The following NLGN1 variants were observed in gnomAD, a reference collection of about 807,000 sequenced individuals.
NLGN1 encodes the protein neuroligin-1.
Under a neutral mutation model 65.5 loss-of-function variants are expected in NLGN1, and 12 were observed. The ratio of observed to expected loss-of-function variants is 0.18; its 90% confidence interval spans 0.12 to 0.30. The LOEUF (loss-of-function observed/expected upper bound fraction) is 0.30. NLGN1 is among the 10% of genes least tolerant of loss of function. The pLI, the probability that NLGN1 is intolerant of heterozygous loss-of-function variation, is 1.00. For synonymous variants in NLGN1, 350 were observed against 359.5 expected (o/e 0.97, Z 0.30); for missense variants, 750 against 1,007.1 (o/e 0.74, Z 3.46).
intron 2 of NLGN1, among the ~76,000 whole-genome samples, chr3:173,501,031 C>T (rs1055864240): frequency 6.6e-5 from 10 of 152,082 alleles, no homozygotes; most frequent in African/African-American, 2.2e-4. Context: ...TTAGTATCTT[C>T]GAAATTGACA....
At chr3:174,106,741 G>C (rs979065238) in intron 4 of NLGN1, among the ~76,000 whole-genome samples, 19 of 152,064 alleles carry the variant, frequency 1.2e-4, no homozygotes, top group African/African-American at 4.3e-4. Flanking sequence ...CTGCAAGCTG[G>C]AGAACTCAGA....
At chr3:174,026,758 A>G (rs1175910565) in intron 4 of NLGN1, among the ~76,000 whole-genome samples, 1 of 152,192 alleles carries the variant, frequency 6.6e-6, no homozygotes, top group African/African-American at 2.4e-5. Context: ...AATTCTCTGC[A>G]CTTGAGGTCC....
At chr3:173,738,543 A>G (rs926295083) in intron 3 of NLGN1, among the ~76,000 whole-genome samples, 1 of 152,112 alleles carries the variant, frequency 6.6e-6, no homozygotes, top group Non-Finnish European at 1.5e-5. Context: ...GACAAAAATC[A>G]TTTACTATAA....
intron 3 of NLGN1, among the ~76,000 whole-genome samples, chr3:173,748,001 TGTTGACCAG>T (rs1195758184): frequency 6.6e-6 from 1 of 151,520 alleles, no homozygotes; most frequent in Non-Finnish European, 1.5e-5. Flanking sequence ...GGTTTTACCA[TGTTGACCAG>T]GCTGGTCTCA....
rs1441738228 is a variant in NLGN1, at chr3:173,685,799, C to A, written c.493+80708C>A. The A allele has an allele frequency of 6.1e-6, 6 of 985,206 alleles. No homozygotes were observed. The African/African-American group carries it at 7.0e-5, about 11-fold the overall frequency. The allele number at this position is 985,206 out of a possible 1,614,324, so 61.0% of individuals were successfully genotyped here. A position where few individuals can be genotyped will look rare whatever the true frequency, so the allele number is the denominator to read the frequency against. On this transcript the variant is annotated intron_variant, in intron 3 of 6. Transcript: ENST00000457714. ...ATGTGCTGTGTCAAAAAGGTAAGCA[C>A]AATGAGAGGGTTGAATGTGAATATG...
Position 173,688,459 on chromosome 3 carries a change from T to G in NLGN1, c.493+83368T>G, listed in dbSNP as rs145320141. On this transcript the variant is annotated intron_variant, in intron 3 of 6. Coordinates refer to ENST00000457714, the Ensembl canonical transcript of NLGN1. Reference sequence around the variant, plus strand: ...ACTTTGTATTCCTCTGAGTGCTGTGTGCTTGGGCAGTGGAGAGCGACTAAA... The same window carrying G: ...ACTTTGTATTCCTCTGAGTGCTGTGGGCTTGGGCAGTGGAGAGCGACTAAA... Among the ~76,000 whole-genome samples the G allele has an allele frequency of 6.4e-4, 98 of 152,334 alleles. 1 individual carries two copies. Among genetic ancestry groups the G allele is most frequent in the Admixed American group, 6.2e-3 (95 of 15,296 alleles).
intron 4 of NLGN1, among the ~76,000 whole-genome samples, chr3:174,250,241 C>G (rs2098550): frequency 0.2 from 30,580 of 152,028 alleles, 3,390 homozygotes; most frequent in East Asian, 0.5. Context: ...AGCCAAGTGC[C>G]TAGCACAGAG....
chr3:173,546,229 A>G (rs750607542), intron 2 of NLGN1, among the ~76,000 whole-genome samples: 1 of 152,208 alleles, frequency 6.6e-6, no homozygotes, highest in Non-Finnish European at 1.5e-5. Context: ...TTATGCAGAC[A>G]TTTAGAAATA....
At chr3:173,523,777 T>C (rs1022441899) in intron 2 of NLGN1, among the ~76,000 whole-genome samples, 4 of 151,714 alleles carry the variant, frequency 2.6e-5, no homozygotes, top group Non-Finnish European at 4.4e-5. Flanking sequence ...GATTGCTTTT[T>C]ATAATTCTGT....
At chr3:174,169,638 A>C (rs1266026483) in intron 4 of NLGN1, among the ~76,000 whole-genome samples, 1 of 152,086 alleles carries the variant, frequency 6.6e-6, no homozygotes, top group East Asian at 1.9e-4. Flanking sequence ...GCCTGGGAGT[A>C]GAGTAGAAAG....
intron 4 of NLGN1, among the ~76,000 whole-genome samples, chr3:173,989,805 C>G (rs1201861859): frequency 2.6e-5 from 4 of 152,128 alleles, no homozygotes; most frequent in Non-Finnish European, 4.4e-5. Flanking sequence ...ACTGTCATAG[C>G]TTCATGTCCT....
intron 2 of NLGN1, among the ~76,000 whole-genome samples, chr3:173,516,581 C>T (rs933190955): frequency 6.6e-6 from 1 of 152,064 alleles, no homozygotes; most frequent in Admixed American, 6.6e-5. Context: ...AATTATCTTT[C>T]TATATTGTAA....
intron 4 of NLGN1, among the ~76,000 whole-genome samples, chr3:174,194,312 C>T (rs544073095): frequency 4.6e-5 from 7 of 151,864 alleles, no homozygotes; most frequent in South Asian, 2.1e-4. Flanking sequence ...ATTAGCTGGG[C>T]GTGGTGGTGC....
At chr3:174,211,306 G>A (rs183421245) in intron 4 of NLGN1, among the ~76,000 whole-genome samples, 12 of 152,244 alleles carry the variant, frequency 7.9e-5, no homozygotes, top group Admixed American at 1.3e-4. Flanking sequence ...TGGTAGAGCC[G>A]AGTGGCCTGT....
chr3:174,231,018 T>C (rs1740604390), intron 4 of NLGN1, among the ~76,000 whole-genome samples: 1 of 152,202 alleles, frequency 6.6e-6, no homozygotes, highest in Non-Finnish European at 1.5e-5. Flanking sequence ...GGGCTGTTAC[T>C]GTCCTTGTTT....
chr3:174,175,066 C>A (rs1368030403), intron 4 of NLGN1, among the ~76,000 whole-genome samples: 1 of 151,884 alleles, frequency 6.6e-6, no homozygotes, highest in Non-Finnish European at 1.5e-5. Flanking sequence ...TGTGACTTAA[C>A]ACATAGTCTA....
At chr3:174,256,602 G>A (rs958012540) in intron 4 of NLGN1, among the ~76,000 whole-genome samples, 1 of 152,036 alleles carries the variant, frequency 6.6e-6, no homozygotes, top group Non-Finnish European at 1.5e-5. Context: ...ACGTATGTGA[G>A]ATTATTTAGT....
chr3:173,844,476 G>A (rs1426615006), intron 4 of NLGN1, among the ~76,000 whole-genome samples: 2 of 152,160 alleles, frequency 1.3e-5, no homozygotes, highest in South Asian at 2.1e-4. Context: ...AACAAAAATA[G>A]TTGAGAATGA....
intron 2 of NLGN1, among the ~76,000 whole-genome samples, chr3:173,525,595 T>C (rs1296097722): frequency 3.3e-5 from 5 of 152,124 alleles, no homozygotes; most frequent in African/African-American, 1.2e-4. Flanking sequence ...TTCAGTCTCA[T>C]TTAATTGTGC....
Sources: gnomAD v4.1 joint callset for allele counts (sites outside exome capture counted in the v4.1 genomes callset) on GRCh38, gnomAD v4.1.1 for gene constraint, MANE v1.5 for transcripts, NCBI Gene and HGNC (gene_info 2026-07-23, HGNC 2026-07-21) for gene names.